Variants in MYO16 observed in about 807,000 individuals in gnomAD.
The protein encoded by MYO16 is unconventional myosin-XVI.
MYO16 carries 94 observed loss-of-function variants against 205.3 expected under a neutral mutation model. The ratio of observed to expected loss-of-function variants is 0.46; its 90% CI spans 0.39 to 0.54. The LOEUF (loss-of-function observed/expected upper bound fraction) is 0.54. Among genes scored for constraint, MYO16 ranks in the 20% least tolerant of loss-of-function variants. The pLI, the probability that MYO16 is intolerant of heterozygous loss-of-function variation, is 0.00. For missense variants in MYO16, 2,315 were observed against 2,387.5 expected (o/e 0.97, Z 0.63); for synonymous variants, 988 against 954.0 (o/e 1.04, Z -0.66).
chr13:108,719,268 G>GA (rs1294606813), intron 3 of MYO16, among the ~76,000 whole-genome samples: 3 of 151,978 alleles, frequency 2.0e-5, no homozygotes, highest in African/African-American at 7.3e-5. Context: ...CTTTCCTGGA[G>GA]AAACTAGAGT....
chr13:108,710,336 CTTTG>C (rs1417003354), intron 2 of MYO16, among the ~76,000 whole-genome samples: 2 of 152,162 alleles, frequency 1.3e-5, no homozygotes, highest in African/African-American at 4.8e-5. Context: ...ATATTTCCCC[CTTTG>C]TTCTACTTTT....
chr13:109,039,000 A>G (rs9559471), intron 23 of MYO16, among the ~76,000 whole-genome samples: 1 of 151,940 alleles, frequency 6.6e-6, no homozygotes, highest in Non-Finnish European at 1.5e-5. Context: ...TATGAAGGCT[A>G]TGTAGGAAGC....
At chr13:109,189,162 C>A (rs1045850527) in intron 34 of MYO16, among the ~76,000 whole-genome samples, 1 of 151,558 alleles carries the variant, frequency 6.6e-6, no homozygotes, top group African/African-American at 2.4e-5. Context: ...AAAGATTCAG[C>A]AAGTCAAGTC....
At position 108,676,400 on chromosome 13, in the gene MYO16, TGTG is replaced by T. The variant is rs1239939563; in HGVS notation, c.292+10252_292+10254del. On this transcript the variant is annotated intron_variant, in intron 2 of 34. Transcript: ENST00000457511. Reference sequence around the variant, plus strand: ...GTGTGTGTGTGTGTGTGTGTGTGTGTGTGTGTGCCAGCCATCTCTCTAAACACT... The same window carrying T: ...GTGTGTGTGTGTGTGTGTGTGTGTGTTGTGCCAGCCATCTCTCTAAACACT... Among the ~76,000 whole-genome samples the T allele has an allele frequency of 3.8e-3, 559 of 147,492 alleles. 5 individuals carry two copies. The highest frequency in any genetic ancestry group is 5.5e-3 in the Non-Finnish European group (368 of 67,012).
rs1406658143 is a variant in MYO16 at position 108,793,651 on chromosome 13, A to G, written c.741+11A>G. ...GAAGGAGTAACCCTGGTAAGTTCAT[A>G]TATTTGACTCAGAAACTATTTGAAT... On this transcript the variant is annotated intron_variant, in intron 6 of 34. Transcript: ENST00000457511. 2.5e-6 allele frequency: 4 copies of G among 1,609,800 alleles called. No individual in the cohort carries two copies. The highest frequency in any genetic ancestry group is 2.2e-5 in the East Asian group (1 of 44,812).
the MYO16 span, among the ~76,000 whole-genome samples, chr13:108,578,575 G>T: frequency 1.3e-5 from 2 of 152,126 alleles, no homozygotes; most frequent in Non-Finnish European, 2.9e-5. Flanking sequence ...CTCTCCTTTT[G>T]AAGAAAGCTG....
chr13:108,708,555 T>C (rs1174866395), intron 2 of MYO16, among the ~76,000 whole-genome samples: 3 of 152,224 alleles, frequency 2.0e-5, no homozygotes. Context: ...TCACCTGTGA[T>C]TGTCCTTCCC....
At chr13:108,969,479 C>G (rs1399717947) in intron 20 of MYO16, among the ~76,000 whole-genome samples, 2 of 152,150 alleles carry the variant, frequency 1.3e-5, no homozygotes, top group Non-Finnish European at 2.9e-5. Flanking sequence ...TGCCATGGAT[C>G]TTCCATTCCA....
chr13:108,920,669 G>T (rs141496438), intron 16 of MYO16, among the ~76,000 whole-genome samples: 2 of 152,238 alleles, frequency 1.3e-5, no homozygotes, highest in Non-Finnish European at 2.9e-5. Context: ...ATGTTGGCCA[G>T]GCTGGTCTCA....
the MYO16 span, among the ~76,000 whole-genome samples, chr13:108,520,870 G>C: frequency 6.6e-6 from 1 of 152,196 alleles, no homozygotes; most frequent in African/African-American, 2.4e-5. Context: ...TTCTGAGTCA[G>C]TAGAGGATTG....
chr13:109,161,300 C>A (rs556815002), intron 32 of MYO16, among the ~76,000 whole-genome samples: 6 of 152,296 alleles, frequency 3.9e-5, no homozygotes, highest in Non-Finnish European at 7.4e-5. Flanking sequence ...TTTACATCAA[C>A]AAATGAAACA....
intron 20 of MYO16, among the ~76,000 whole-genome samples, chr13:108,986,364 G>A (rs934201821): frequency 9.9e-5 from 15 of 152,084 alleles, no homozygotes; most frequent in African/African-American, 2.9e-4. Flanking sequence ...GCTCATGGCT[G>A]TAATCCCAGC....
chr13:108,697,358 C>T (rs1258750005), intron 2 of MYO16, among the ~76,000 whole-genome samples: 1 of 152,158 alleles, frequency 6.6e-6, no homozygotes, highest in African/African-American at 2.4e-5. Context: ...ACTGTGATCA[C>T]GAAGTTGGCT....
chr13:109,001,932 G>C (rs277812), intron 21 of MYO16, among the ~76,000 whole-genome samples: 56,530 of 138,882 alleles, frequency 0.41, 10,868 homozygotes, highest in East Asian at 0.68. Flanking sequence ...CTCTCTCTCT[G>C]TGTGTCTGTC....
chr13:109,199,098 C>T (rs1880282261), intron 34 of MYO16, among the ~76,000 whole-genome samples: 1 of 150,896 alleles, frequency 6.6e-6, no homozygotes, highest in Admixed American at 6.7e-5. Flanking sequence ...TCTCACTTCT[C>T]AATATTCAGA....
rs539559271 is a variant in MYO16, at chr13:109,127,264, G to C, written c.3783-18G>C. ...GCCTCTCTGGCGTGGTGCTGTTTGT[G>C]TTTTGTTTCCCCCTAAGAACCGATG... is the stretch of plus-strand genomic sequence containing the variant. On this transcript the variant is annotated intron_variant, in intron 30 of 34. Coordinates refer to ENST00000457511, the MANE Select transcript of MYO16 (RefSeq NM_001198950.3). The surrounding 1 kb of genome is among the most constrained non-coding windows in gnomAD (Gnocchi z 4.2). 16 of 1,553,988 alleles carry C rather than the reference G, an allele frequency of 1.0e-5. No homozygotes were observed. Among genetic ancestry groups the C allele is most frequent in the Admixed American group, 1.8e-5 (1 of 54,286 alleles).
chr13:108,618,409 A>G (rs1156364920), intron 1 of MYO16, among the ~76,000 whole-genome samples: 1 of 152,214 alleles, frequency 6.6e-6, no homozygotes, highest in Non-Finnish European at 1.5e-5. Context: ...CTGTGGTGGC[A>G]GTGGCTGTCC....
rs1200763131 is a variant in MYO16, at chr13:108,682,314, C to T, written c.292+16165C>T. The stretch of plus-strand genomic sequence containing the variant: ...TTGAATACAGTGGTTCATTTTCTGC[C>T]TATTGTGAGCAGTGCAATGTCAGAG... On this transcript the variant is annotated intron_variant, in intron 2 of 34. Transcript: ENST00000457511. Among the ~76,000 whole-genome samples, 4 of 152,096 alleles carry T rather than the reference C, an allele frequency of 2.6e-5. No individual in the cohort carries two copies. In the East Asian group the frequency reaches 7.7e-4, roughly 29 times the overall value.
chr13:109,005,459 T>A (rs1885357558), intron 21 of MYO16, among the ~76,000 whole-genome samples: 1 of 152,178 alleles, frequency 6.6e-6, no homozygotes, highest in Non-Finnish European at 1.5e-5. Context: ...GATATTCAGA[T>A]CTTATTTTAA....
Sources: gnomAD v4.1 joint callset for allele counts (sites outside exome capture counted in the v4.1 genomes callset) on GRCh38, gnomAD v4.1.1 for gene constraint, Gnocchi (gnomAD v3.1) non-coding constraint, MANE v1.5 for transcripts, NCBI Gene and HGNC (gene_info 2026-07-23, HGNC 2026-07-21) for gene names.